The following MPHOSPH9 variants were observed in gnomAD, a reference collection of about 807,000 sequenced individuals.
The protein encoded by MPHOSPH9 is M-phase phosphoprotein 9.
A neutral mutation model predicts 145.5 loss-of-function variants in MPHOSPH9; 88 were observed. That is an observed-to-expected ratio of 0.60 (90% CI 0.51 to 0.72). The LOEUF (loss-of-function observed/expected upper bound fraction) is 0.72. MPHOSPH9 is among the 30% of genes least tolerant of loss of function. MPHOSPH9 has a pLI of 0.00. For missense variants in MPHOSPH9, 1,238 were observed against 1,386.6 expected (o/e 0.89, Z 1.70); for synonymous variants, 435 against 486.2 (o/e 0.89, Z 1.39).
chr12:123,214,610 C>T, intron 7 of MPHOSPH9, 134 bp downstream of exon 7: 1 of 682,744 alleles, frequency 1.5e-6, no homozygotes, highest in Non-Finnish European at 2.5e-6. Flanking sequence ...CAAAACCATA[C>T]TACTATACAG....
chr12:123,202,699 T>A lies in MPHOSPH9; in HGVS notation c.1706A>T (p.Gln569Leu), dbSNP rs2046274289. 3.1e-6 allele frequency: 5 copies of A among 1,614,212 alleles called. No homozygotes were observed. The East Asian group carries it at 1.1e-4, about 36-fold the overall frequency. ...MVASASVSQS[Q>L]LPGTANSVPE... ...GACACTGTTGGCTGTACCTGGAAGC[T>A]GGGACTGACTGACTGAGGCCGAAGC... is the stretch of plus-strand genomic sequence containing the variant. Residue 569 changes from glutamine (Q) to leucine (L), a missense_variant, in exon 10 of 24, where the codon CAG (glutamine) becomes CTG (leucine). This residue lies in a region of MPHOSPH9 where 837 missense variants were observed against 897.5 expected (regional missense o/e 0.93). Coordinates refer to ENST00000606320, the MANE Select transcript of MPHOSPH9 (RefSeq NM_022782.4).
intron 5 of MPHOSPH9, 91 bp downstream of exon 5, chr12:123,221,281 C>T: frequency 1.9e-6 from 2 of 1,051,896 alleles, no homozygotes; most frequent in African/African-American, 1.6e-5. Flanking sequence ...GATAAATGTT[C>T]AAATACATCT....
intron 1 of MPHOSPH9, among the ~76,000 whole-genome samples, chr12:123,242,522 C>T (rs889131598): frequency 3.9e-5 from 6 of 152,118 alleles, no homozygotes; most frequent in African/African-American, 1.4e-4. Flanking sequence ...GTGTGTTTGT[C>T]ATTTTTAGCA....
intron 17 of MPHOSPH9, 64 bp from the exon 18 acceptor site, chr12:123,165,541 C>A (rs1028347102): frequency 8.5e-6 from 12 of 1,406,226 alleles, no homozygotes; most frequent in Non-Finnish European, 1.2e-5. Flanking sequence ...GCCCCCCGCC[C>A]CCACACCAAA....
chr12:123,205,014 T>C (rs1308512911), intron 8 of MPHOSPH9, among the ~76,000 whole-genome samples: 1 of 152,186 alleles, frequency 6.6e-6, no homozygotes, highest in Non-Finnish European at 1.5e-5. Context: ...TGGGACGTAT[T>C]ATAGGGTGTG....
In MPHOSPH9 at chr12:123,230,520, A is replaced by G. The variant is rs2047598024; in HGVS notation, c.-156T>C. The G allele has an allele frequency of 2.6e-5, 12 of 465,520 alleles. No individual in the cohort carries two copies. Among genetic ancestry groups the G allele is most frequent in the Non-Finnish European group, 3.4e-5 (9 of 263,234 alleles). 28.8% of individuals were successfully genotyped at this position (465,520 alleles called of 1,614,324 possible). Reference sequence around the variant, plus strand: ...GTGAAATATCCTAAACTTCCAAGAGAGTCTGAAAATGAATGGGGGAAAAAA... The same window carrying G: ...GTGAAATATCCTAAACTTCCAAGAGGGTCTGAAAATGAATGGGGGAAAAAA... On this transcript the variant is annotated splice_region_variant and 5_prime_UTR_variant, in exon 2 of 24. Coordinates refer to ENST00000606320, the MANE Select transcript of MPHOSPH9 (RefSeq NM_022782.4).
chr12:123,166,834 A>T, intron 16 of MPHOSPH9, 45 bp from the exon 17 acceptor site: 1 of 1,585,750 alleles, frequency 6.3e-7, no homozygotes, highest in Non-Finnish European at 8.6e-7. Flanking sequence ...TCTGCACTTC[A>T]TTTCAGACTG....
At chr12:123,182,663 G>C (rs1017021388) in intron 13 of MPHOSPH9, among the ~76,000 whole-genome samples, 1 of 151,974 alleles carries the variant, frequency 6.6e-6, no homozygotes, top group Non-Finnish European at 1.5e-5. Context: ...TGTAATCCCA[G>C]CACTGTGGGA....
At chr12:123,217,863 G>A (rs976720302) in intron 6 of MPHOSPH9, among the ~76,000 whole-genome samples, 54 of 152,034 alleles carry the variant, frequency 3.6e-4, no homozygotes, top group African/African-American at 1.3e-3. Flanking sequence ...GGCCAACATG[G>A]TGAAACCCTG....
At chr12:123,215,198 T>C (rs1311282647) in intron 6 of MPHOSPH9, among the ~76,000 whole-genome samples, 2 of 151,948 alleles carry the variant, frequency 1.3e-5, no homozygotes, top group Non-Finnish European at 2.9e-5. Context: ...GCCGAGATCG[T>C]GCCACTGCAC....
downstream of MPHOSPH9, chr12:123,152,886 A>T (rs2043802264): frequency 6.0e-6 from 1 of 166,722 alleles, no homozygotes; most frequent in Non-Finnish European, 1.3e-5. Context: ...AAAGCTTCTT[A>T]AAGACTCATA....
chr12:123,190,236 T>G (rs1176954406), intron 13 of MPHOSPH9, among the ~76,000 whole-genome samples: 1 of 151,182 alleles, frequency 6.6e-6, no homozygotes, highest in Non-Finnish European at 1.5e-5. Flanking sequence ...CACTGAAAGC[T>G]CCGCCTCCTG....
intron 3 of MPHOSPH9, among the ~76,000 whole-genome samples, chr12:123,225,457 AAAAG>A (rs2047400761): frequency 6.8e-6 from 1 of 146,002 alleles, no homozygotes; most frequent in Admixed American, 7.0e-5. Flanking sequence ...AAAAAAAAAA[AAAAG>A]AAAGAAAGAA....
chr12:123,183,276 G>A lies in MPHOSPH9; in HGVS notation c.2242-2066C>T, dbSNP rs573830365. Among the ~76,000 whole-genome samples the A allele has an allele frequency of 2.5e-3, 382 of 151,624 alleles. 2 individuals are homozygous for A. Among genetic ancestry groups the A allele is most frequent in the Admixed American group, 3.8e-3 (57 of 15,168 alleles). On this transcript the variant is annotated intron_variant, in intron 13 of 23. Transcript: ENST00000606320. ...AAGAAACAAAGTGCTGGCCGGGCGTGGTAGCTCACACCTGTAATCTCAGCA... is the reference window on the plus strand; with the variant it reads ...AAGAAACAAAGTGCTGGCCGGGCGTAGTAGCTCACACCTGTAATCTCAGCA...
intron 1 of MPHOSPH9, among the ~76,000 whole-genome samples, chr12:123,242,153 A>G (rs1482433014): frequency 6.6e-6 from 1 of 152,192 alleles, no homozygotes; most frequent in African/African-American, 2.4e-5. Flanking sequence ...TTATCTCTGA[A>G]CTTAACCAAG....
Position 123,181,173 on chromosome 12 carries a change from C to T in MPHOSPH9, c.2279G>A (p.Arg760Lys), listed in dbSNP as rs2045119814. 6.2e-7 allele frequency: 1 copy of T among 1,611,590 alleles called. No homozygotes were observed. The highest frequency in any genetic ancestry group is 1.3e-5 in the African/African-American group (1 of 74,830). ...ACCATTACCCCTTACCTTTACTCTC[C>T]TGTGTTCTTTTCCAAGGGACTCATA... ...GEYESLGKEHRRVKDALNTTE... is the reference protein window; with the variant it reads ...GEYESLGKEHKRVKDALNTTE... Residue 760 changes from arginine (R) to lysine (K), a missense_variant, in exon 14 of 24, where the codon AGG becomes AAG. Physicochemically the swap from Arg to Lys is conservative, Grantham distance 26 (BLOSUM62 2). This residue lies in a region of MPHOSPH9 where 837 missense variants were observed against 897.5 expected (regional missense o/e 0.93). Transcript: ENST00000606320.
In MPHOSPH9 at chr12:123,202,896, T is replaced by G. The variant is rs2046283833; in HGVS notation, c.1509A>C (p.Leu503Phe). The G allele has an allele frequency of 3.7e-6, 6 of 1,614,040 alleles. No individual in the cohort carries two copies. The Admixed American group carries it at 8.3e-5, about 22-fold the overall frequency. The change falls in exon 10 of 24, where the codon TTA (leucine) becomes TTC (phenylalanine). Residue 503 changes from leucine to phenylalanine, a missense_variant. By Grantham distance (22) the Leu-to-Phe change is conservative (BLOSUM62 0). This residue lies in a region of MPHOSPH9 where 837 missense variants were observed against 897.5 expected (regional missense o/e 0.93). Coordinates refer to ENST00000606320, the MANE Select transcript of MPHOSPH9 (RefSeq NM_022782.4). The part of the protein sequence containing the change: ...FSQASNVTSQ[L>F]PGFPKYPSHT... ...GTGAGGGATATTTTGGAAATCCAGG[T>G]AACTGAGAAGTGACATTACTTGCTT...
At chr12:123,212,985 G>A (rs913588459) in intron 7 of MPHOSPH9, among the ~76,000 whole-genome samples, 6 of 149,990 alleles carry the variant, frequency 4.0e-5, no homozygotes, top group Admixed American at 6.7e-5. Context: ...TCAGCCTCTT[G>A]AGCAGCTGGG....
chr12:123,221,343 T>C, intron 5 of MPHOSPH9, 29 bp downstream of exon 5: 1 of 1,494,738 alleles, frequency 6.7e-7, no homozygotes, highest in Non-Finnish European at 9.0e-7. Flanking sequence ...TGTAATAAAC[T>C]CCCTTCAAAT....
Sources: gnomAD v4.1 joint callset for allele counts (sites outside exome capture counted in the v4.1 genomes callset) on GRCh38, gnomAD v4.1.1 for gene constraint, gnomAD v4.1.1 regional missense constraint, MANE v1.5 for transcripts, NCBI Gene and HGNC (gene_info 2026-07-23, HGNC 2026-07-21) for gene names.